NLGN4X: variants seen among roughly 807,000 people sequenced by gnomAD.
The protein encoded by NLGN4X is neuroligin 4 X-linked, also known as neuroligin-4, X-linked.
NLGN4X carries 3 observed loss-of-function variants against 40.3 expected under a neutral mutation model. The observed-to-expected ratio is 0.07, with a 90% CI of 0.03 to 0.19. The LOEUF (loss-of-function observed/expected upper bound fraction) is 0.19. NLGN4X is among the 10% of genes least tolerant of loss of function. NLGN4X has a pLI of 1.00. For synonymous variants in NLGN4X, 270 were observed against 306.8 expected (o/e 0.88, Z 1.25); for missense variants, 382 against 708.3 (o/e 0.54, Z 5.23).
At chrX:6,133,193 CTCA>C (rs1157922547) in intron 2 of NLGN4X, among the ~76,000 whole-genome samples, 6 of 110,426 alleles carry the variant, frequency 5.4e-5, no homozygotes, top group East Asian at 2.8e-4. Flanking sequence ...CATCACCATC[CTCA>C]TCATCACCAT....
chrX:5,890,616 T>G lies in NLGN4X; in HGVS notation c.*2201A>C, dbSNP rs949707961. The G allele has an allele frequency of 1.2e-5, 4 of 328,682 alleles. No homozygotes were observed. Among genetic ancestry groups the G allele is most frequent in the South Asian group, 1.0e-4 (4 of 38,247 alleles). 27.1% of individuals were successfully genotyped at this position (328,682 alleles called of 1,213,427 possible). The stretch of plus-strand genomic sequence containing the variant: ...ATTTGTGGTTGCTCAGGTGGGGTCA[T>G]ACATTGCTTGCAGAAATGGCCTGAT... On this transcript the variant is annotated 3_prime_UTR_variant, in exon 6 of 6. Transcript: ENST00000381095.
intron 3 of NLGN4X, among the ~76,000 whole-genome samples, chrX:5,968,427 T>C (rs1000589760): frequency 1.5e-5 from 1 of 68,379 alleles, no homozygotes; most frequent in Admixed American, 1.9e-4. Flanking sequence ...CTGTCTTTGA[T>C]TGTAAGTACC....
chrX:6,162,164 G>A (rs188737649), intron 1 of NLGN4X, among the ~76,000 whole-genome samples: 1 of 112,216 alleles, frequency 8.9e-6, no homozygotes, highest in Non-Finnish European at 1.9e-5. Flanking sequence ...TGTGTATTAT[G>A]TATCTGGGAG....
chrX:6,178,773 T>C (rs1480743529), intron 1 of NLGN4X, among the ~76,000 whole-genome samples: 1 of 111,709 alleles, frequency 9.0e-6, no homozygotes, highest in Non-Finnish European at 1.9e-5. Flanking sequence ...ATGAGAAATA[T>C]AGTTCTTTCA....
intron 2 of NLGN4X, among the ~76,000 whole-genome samples, chrX:6,133,727 C>G (rs749313751): frequency 1.8e-5 from 2 of 111,758 alleles, no homozygotes; most frequent in Non-Finnish European, 3.8e-5. Flanking sequence ...AAATTCATAG[C>G]AAGTTTGAAA....
chrX:6,127,766 T>C (rs185864604), intron 2 of NLGN4X, among the ~76,000 whole-genome samples: 49 of 112,428 alleles, frequency 4.4e-4, no homozygotes, highest in Non-Finnish European at 7.1e-4. Context: ...TTCTGATACT[T>C]ATAGGAAAAT....
At chrX:5,961,022 T>TTTTA (rs764702226) in intron 3 of NLGN4X, among the ~76,000 whole-genome samples, 54 of 111,094 alleles carry the variant, frequency 4.9e-4, no homozygotes, top group African/African-American at 1.3e-3. Context: ...TTTATTTTAT[T>TTTTA]TTTATTTATT....
intron 5 of NLGN4X, among the ~76,000 whole-genome samples, chrX:5,901,664 TTG>T (rs751012209): frequency 7.3e-5 from 8 of 109,894 alleles, no homozygotes; most frequent in African/African-American, 1.7e-4. Context: ...GTATGTGTGT[TTG>T]TGTGTGTGTG....
At chrX:5,975,543 ATGGAGGT>A (rs1332234981) in intron 3 of NLGN4X, among the ~76,000 whole-genome samples, 2 of 102,870 alleles carry the variant, frequency 1.9e-5, no homozygotes, top group African/African-American at 7.3e-5. Context: ...AACCCGGGAG[ATGGAGGT>A]TGCAGTGAGC....
At chrX:5,906,480 G>A (rs1381200116) in intron 4 of NLGN4X, among the ~76,000 whole-genome samples, 2 of 111,414 alleles carry the variant, frequency 1.8e-5, no homozygotes, top group Non-Finnish European at 3.8e-5. Context: ...AGAAAGTCCT[G>A]CAGTTACTCT....
chrX:5,996,356 T>G (rs2035816546), intron 3 of NLGN4X, among the ~76,000 whole-genome samples: 2 of 112,069 alleles, frequency 1.8e-5, no homozygotes, highest in Non-Finnish European at 3.8e-5. Flanking sequence ...GGGGCGTTTT[T>G]CTGTGCTACC....
chrX:5,972,833 A>G (rs959275244), intron 3 of NLGN4X, among the ~76,000 whole-genome samples: 4 of 110,887 alleles, frequency 3.6e-5, no homozygotes, highest in African/African-American at 1.3e-4. Flanking sequence ...CAGGCATGAG[A>G]CACTGTGCCT....
chrX:5,989,075 T>A (rs7058280), intron 3 of NLGN4X, among the ~76,000 whole-genome samples: 7,277 of 89,482 alleles, frequency 0.081, 668 homozygotes, highest in African/African-American at 0.27. Flanking sequence ...CTCAAAAAAA[T>A]AAAAAAAATA....
chrX:5,954,785 C>T (rs2034439626), intron 3 of NLGN4X, among the ~76,000 whole-genome samples: 3 of 110,982 alleles, frequency 2.7e-5, no homozygotes, highest in South Asian at 7.7e-4. Context: ...TACTCTCCCA[C>T]TCCCCACTCT....
chrX:6,050,708 T>C (rs1387141945), intron 2 of NLGN4X, among the ~76,000 whole-genome samples: 1 of 111,502 alleles, frequency 9.0e-6, no homozygotes, highest in Non-Finnish European at 1.9e-5. Context: ...TTCTTACACA[T>C]ATATCATCTA....
intron 3 of NLGN4X, among the ~76,000 whole-genome samples, chrX:5,915,345 G>A (rs969128735): frequency 6.3e-5 from 7 of 111,140 alleles, no homozygotes; most frequent in African/African-American, 2.3e-4. Flanking sequence ...TTTTTTAAGT[G>A]CTTTAGTTTA....
intron 1 of NLGN4X, among the ~76,000 whole-genome samples, chrX:6,213,982 C>G (rs952936647): frequency 7.1e-5 from 8 of 112,075 alleles, no homozygotes; most frequent in Non-Finnish European, 1.5e-4. Flanking sequence ...GCGGCATTCT[C>G]AAATCCTTAG....
intron 2 of NLGN4X, among the ~76,000 whole-genome samples, chrX:6,087,766 C>A (rs1334804050): frequency 9.0e-6 from 1 of 111,397 alleles, no homozygotes; most frequent in East Asian, 2.8e-4. Context: ...CTGAGTTTTG[C>A]CATTCAGCTA....
chrX:6,063,450 C>G (rs2037823500), intron 2 of NLGN4X, among the ~76,000 whole-genome samples: 1 of 111,810 alleles, frequency 8.9e-6, no homozygotes, highest in Non-Finnish European at 1.9e-5. Flanking sequence ...AAACACTGCA[C>G]CCAGCCTGAA....
Sources: gnomAD v4.1 joint callset for allele counts (sites outside exome capture counted in the v4.1 genomes callset) on GRCh38, gnomAD v4.1.1 for gene constraint, MANE v1.5 for transcripts, NCBI Gene and HGNC (gene_info 2026-07-23, HGNC 2026-07-21) for gene names.